Variants in BCAS3 observed in about 807,000 individuals in gnomAD.
BCAS3 encodes BCAS3 microtubule associated cell migration factor.
A neutral mutation model predicts 116.1 loss-of-function variants in BCAS3; 53 were observed. That is an observed-to-expected ratio of 0.46 (90% CI 0.37 to 0.57). BCAS3 has a LOEUF of 0.57. BCAS3 is among the 20% of genes least tolerant of loss of function. The pLI is 0.00. For synonymous variants in BCAS3, 391 were observed against 408.2 expected, an observed-to-expected ratio of 0.96 and a Z score of 0.51; for missense variants, 917 against 1,165.4, an observed-to-expected ratio of 0.79 and a Z score of 3.10.
intron 21 of BCAS3, among the ~76,000 whole-genome samples, chr17:61,081,567 G>A (rs561377139): frequency 2.9e-4 from 44 of 152,184 alleles, no homozygotes; most frequent in African/African-American, 1.0e-3. Flanking sequence ...CCTTTATACT[G>A]AGCAGCAGGT....
intron 19 of BCAS3, among the ~76,000 whole-genome samples, chr17:61,048,775 A>G (rs944692285): frequency 6.6e-6 from 1 of 152,112 alleles, no homozygotes; most frequent in South Asian, 2.1e-4. Context: ...GTCCTTTTCC[A>G]GTATTCAACA....
chr17:61,018,721 C>T (rs1007347482), intron 16 of BCAS3, among the ~76,000 whole-genome samples: 1 of 152,082 alleles, frequency 6.6e-6, no homozygotes, highest in Non-Finnish European at 1.5e-5. Flanking sequence ...TAACATGTTA[C>T]GTTTTTGCAG....
chr17:60,837,177 A>G (rs1435221394), intron 7 of BCAS3, among the ~76,000 whole-genome samples: 1 of 152,176 alleles, frequency 6.6e-6, no homozygotes, highest in Non-Finnish European at 1.5e-5. Context: ...GTAGATTTGT[A>G]TGTCAAAACT....
At chr17:61,137,453 G>A (rs2076704030) in intron 22 of BCAS3, among the ~76,000 whole-genome samples, 1 of 152,202 alleles carries the variant, frequency 6.6e-6, no homozygotes, top group Non-Finnish European at 1.5e-5. Flanking sequence ...TAAATAATGG[G>A]AGCATTATTT....
chr17:60,710,358 C>T (rs1187863453), intron 5 of BCAS3, among the ~76,000 whole-genome samples: 1 of 151,834 alleles, frequency 6.6e-6, no homozygotes, highest in Non-Finnish European at 1.5e-5. Flanking sequence ...AGGATATTCT[C>T]AAGTACAGAA....
chr17:60,922,644 G>A (rs1228794465), intron 12 of BCAS3, among the ~76,000 whole-genome samples: 1 of 152,124 alleles, frequency 6.6e-6, no homozygotes, highest in East Asian at 1.9e-4. Flanking sequence ...ACTGCAGAAT[G>A]CACATTATTT....
chr17:60,693,389 CCATACTT>C (rs2035129363), intron 4 of BCAS3, among the ~76,000 whole-genome samples: 1 of 151,694 alleles, frequency 6.6e-6, no homozygotes, highest in African/African-American at 2.4e-5. Context: ...TCCCCTAATC[CCATACTT>C]CATACTTGGC....
rs964078060 is a variant in BCAS3 at position 61,313,067 on chromosome 17, A to C, written c.2426-55260A>C. On this transcript the variant is annotated intron_variant, in intron 22 of 23. Transcript: ENST00000407086. This position sits in a 1 kb window ranked among gnomAD's most constrained non-coding sequence, Gnocchi z 4.3. ...TCGTTGATCGCCTCAAAATCCCGTG[A>C]GGTTTTTAATCACTGACTCAGTAGC... is the stretch of plus-strand genomic sequence containing the variant. 2.6e-5 allele frequency among the ~76,000 whole-genome samples: 4 copies of C among 152,336 alleles called. No homozygotes were observed. In the East Asian group the frequency reaches 7.7e-4, roughly 29 times the overall value.
chr17:60,991,996 A>G (rs775797378), intron 15 of BCAS3, among the ~76,000 whole-genome samples: 2 of 152,104 alleles, frequency 1.3e-5, no homozygotes, highest in Admixed American at 6.6e-5. Flanking sequence ...ATGTAACGCA[A>G]TTGATCTGTT....
chr17:61,107,872 A>G (rs1324709442), intron 22 of BCAS3, among the ~76,000 whole-genome samples: 3 of 152,262 alleles, frequency 2.0e-5, no homozygotes, highest in Non-Finnish European at 2.9e-5. Context: ...ACTGAGCTAA[A>G]GGCCCACAAG....
rs961977149 is a variant in BCAS3 at position 61,300,274 on chromosome 17, G to A, written c.2426-68053G>A. On this transcript the variant is annotated intron_variant, in intron 22 of 23. Transcript: ENST00000407086. The surrounding 1 kb of genome is among the most constrained non-coding windows in gnomAD (Gnocchi z 5.1). ...GTCCCGAGACCCTAAGGATGTTTTC[G>A]TAGAGCTTTGACCTTGATGAAGCAC... is the stretch of plus-strand genomic sequence containing the variant. Among the ~76,000 whole-genome samples, 3 of 152,028 alleles carry A rather than the reference G, an allele frequency of 2.0e-5. No homozygotes were observed. The highest frequency in any genetic ancestry group is 7.2e-5 in the African/African-American group (3 of 41,384).
rs1467219903 is a variant in BCAS3 at position 61,362,855 on chromosome 17, C to T, written c.2426-5472C>T. 5 of 152,160 alleles carry T rather than the reference C, an allele frequency of 3.3e-5. No homozygotes were observed. Among genetic ancestry groups the T allele is most frequent in the Non-Finnish European group, 7.3e-5 (5 of 68,044 alleles). The allele number at this position is 152,160 out of a possible 1,614,324, so 9.4% of individuals were successfully genotyped here. The stretch of plus-strand genomic sequence containing the variant: ...TAGAGTAAAATTGTGACATTGTTTT[C>T]TGCTCACTTATCTTCTTCTTCCTTC... On this transcript the variant is annotated intron_variant, in intron 22 of 23. Transcript: ENST00000407086. This position sits in a 1 kb window ranked among gnomAD's most constrained non-coding sequence, Gnocchi z 4.4.
rs559072142 is a variant in BCAS3 at position 61,063,534 on chromosome 17, T to C, written c.2030-11386T>C. 1.1e-4 allele frequency among the ~76,000 whole-genome samples: 17 copies of C among 152,302 alleles called. No individual in the cohort carries two copies. In the South Asian group the frequency reaches 3.3e-3, roughly 30 times the overall value. ...CCGCCACCTCGGCCTCCCAAAGTGC[T>C]GGGATTACAGGCATGAGCCACCATG... On this transcript the variant is annotated intron_variant, in intron 19 of 23. Coordinates refer to ENST00000407086, the MANE Select transcript of BCAS3 (RefSeq NM_017679.5). The surrounding 1 kb of genome is among the most constrained non-coding windows in gnomAD (Gnocchi z 5.3).
chr17:61,384,706 G>T (rs2059763766), intron 23 of BCAS3: 1 of 152,248 alleles, frequency 6.6e-6, no homozygotes, highest in Non-Finnish European at 1.5e-5. Context: ...CTCTCCCCTG[G>T]TATAGCATGT....
intron 10 of BCAS3, among the ~76,000 whole-genome samples, chr17:60,890,406 A>G (rs768339095): frequency 3.7e-4 from 56 of 152,126 alleles, no homozygotes; most frequent in Non-Finnish European, 8.8e-5. Flanking sequence ...GTGAGCTGAG[A>G]TCGCACCACT....
chr17:61,271,584 C>T (rs1240097616), intron 22 of BCAS3, among the ~76,000 whole-genome samples: 3 of 130,638 alleles, frequency 2.3e-5, no homozygotes, highest in Non-Finnish European at 4.8e-5. Context: ...CCATCACGCC[C>T]AGCTCTGTGT....
chr17:60,970,534 A>G (rs184102485), intron 14 of BCAS3, among the ~76,000 whole-genome samples: 348 of 152,298 alleles, frequency 2.3e-3, no homozygotes, highest in Non-Finnish European at 4.2e-3. Flanking sequence ...GAATATTGGA[A>G]ATTCAACTAT....
At chr17:60,785,008 C>T (rs2046166756) in intron 6 of BCAS3, among the ~76,000 whole-genome samples, 1 of 151,928 alleles carries the variant, frequency 6.6e-6, no homozygotes, top group African/African-American at 2.4e-5. Context: ...AAGGCAGAGG[C>T]AATTGCTTGA....
At chr17:60,818,858 C>T (rs1480990770) in intron 7 of BCAS3, among the ~76,000 whole-genome samples, 1 of 152,114 alleles carries the variant, frequency 6.6e-6, no homozygotes, top group African/African-American at 2.4e-5. Context: ...AGCTGCCGCA[C>T]TGGCATAGAG....
Sources: allele counts gnomAD v4.1 joint callset (sites outside exome capture counted in the v4.1 genomes callset), GRCh38; gene constraint gnomAD v4.1.1; non-coding constraint Gnocchi (gnomAD v3.1); transcripts MANE v1.5; gene names NCBI Gene and HGNC (gene_info 2026-07-23, HGNC 2026-07-21).